Variants in RIMS1 observed in about 807,000 individuals in gnomAD.
RIMS1 encodes regulating synaptic membrane exocytosis 1.
In RIMS1, 83 loss-of-function variants were observed where a neutral mutation model predicts 214.1. The ratio of observed to expected loss-of-function variants is 0.39; its 90% CI spans 0.32 to 0.47. The LOEUF (loss-of-function observed/expected upper bound fraction) is 0.47, where lower values mean the gene tolerates loss of function less well. Ranked by LOEUF, RIMS1 falls within the 20% of genes least tolerant of loss-of-function variation. The pLI is 0.99. For missense variants in RIMS1, 2,050 were observed against 2,161.8 expected (o/e 0.95, Z 1.03); for synonymous variants, 793 against 786.8 (o/e 1.01, Z -0.13).
At chr6:72,105,921 G>A (rs185776961) in intron 4 of RIMS1, among the ~76,000 whole-genome samples, 27 of 152,080 alleles carry the variant, frequency 1.8e-4, no homozygotes, top group African/African-American at 5.8e-4. Context: ...ATTAAAGCAG[G>A]TTTGAAGATA....
intron 2 of RIMS1, among the ~76,000 whole-genome samples, chr6:71,995,320 C>T (rs143409009): frequency 1.1e-3 from 164 of 152,298 alleles, no homozygotes; most frequent in African/African-American, 3.4e-3. Context: ...ATTTCTGCCT[C>T]AGACTATATT....
chr6:72,305,368 CATTTT>C (rs2095052256), intron 26 of RIMS1, among the ~76,000 whole-genome samples: 1 of 152,048 alleles, frequency 6.6e-6, no homozygotes. Flanking sequence ...AAGTTAATAT[CATTTT>C]ATGAGAATAG....
intron 28 of RIMS1, chr6:72,316,936 G>T: frequency 1.5e-6 from 1 of 681,152 alleles, no homozygotes; most frequent in Non-Finnish European, 2.7e-6. Context: ...TCCTGCAGTA[G>T]AGTGGAGAGA....
At chr6:72,316,144 A>C (rs1399878214) in intron 28 of RIMS1, among the ~76,000 whole-genome samples, 1 of 152,166 alleles carries the variant, frequency 6.6e-6, no homozygotes, top group African/African-American at 2.4e-5. Context: ...CACCATGACC[A>C]TGTAGGGTCC....
intron 6 of RIMS1, among the ~76,000 whole-genome samples, chr6:72,218,404 C>G (rs1326317005): frequency 6.6e-6 from 1 of 152,132 alleles, no homozygotes; most frequent in East Asian, 1.9e-4. Context: ...AAATGTTTTT[C>G]AAGAGGTCTA....
chr6:72,293,618 G>T (rs925944965), intron 26 of RIMS1, among the ~76,000 whole-genome samples: 1 of 151,770 alleles, frequency 6.6e-6, no homozygotes, highest in Non-Finnish European at 1.5e-5. Flanking sequence ...TCCTTCAGTT[G>T]CAAATAAAAC....
intron 29 of RIMS1, among the ~76,000 whole-genome samples, chr6:72,384,425 A>T (rs2098549870): frequency 6.6e-6 from 1 of 152,192 alleles, no homozygotes; most frequent in Non-Finnish European, 1.5e-5. Context: ...ATCTCCATGA[A>T]GCCAAGCACT....
At chr6:72,006,516 G>A (rs141575316) in intron 2 of RIMS1, among the ~76,000 whole-genome samples, 89 of 152,290 alleles carry the variant, frequency 5.8e-4, no homozygotes, top group Admixed American at 9.2e-4. Context: ...AGTGTGATCC[G>A]AGGCAAGGCG....
chr6:71,916,387 A>C (rs145557298), intron 1 of RIMS1, among the ~76,000 whole-genome samples: 1 of 152,132 alleles, frequency 6.6e-6, no homozygotes, highest in Non-Finnish European at 1.5e-5. Context: ...GTATTTTCTC[A>C]CAGACTCCAT....
chr6:72,060,325 C>T (rs1051079981), intron 2 of RIMS1, among the ~76,000 whole-genome samples: 1 of 151,986 alleles, frequency 6.6e-6, no homozygotes, highest in African/African-American at 2.4e-5. Context: ...ATTTGCAGCC[C>T]CGATCTAAAC....
chr6:72,327,142 C>CA (rs970340812), intron 28 of RIMS1, among the ~76,000 whole-genome samples: 52 of 149,118 alleles, frequency 3.5e-4, no homozygotes, highest in Middle Eastern at 3.4e-3. Flanking sequence ...TTTAAGCCAC[C>CA]AAAAAAAAAT....
rs182839540 is a variant in RIMS1 at position 71,917,619 on chromosome 6, G to A, written c.164+30432G>A. Among the ~76,000 whole-genome samples the A allele has an allele frequency of 6.5e-4, 99 of 152,206 alleles. 1 individual carries two copies. Among genetic ancestry groups the A allele is most frequent in the Middle Eastern group, 6.8e-3 (2 of 294 alleles). The stretch of plus-strand genomic sequence containing the variant: ...CAAGGAATTATAAATTCTAAATAAC[G>A]AAAAGCCAGCAGAGGCTGAATCAGG... On this transcript the variant is annotated intron_variant, in intron 1 of 33. Transcript: ENST00000521978.
Position 72,182,962 on chromosome 6 carries a change from G to T in RIMS1, c.1491G>T (p.Arg497=). ...GCGAGAAGGTGGAGACCATGCTGCG[G>T]AACGACTCTTTGAGCTCAGACCAGT... The part of the protein sequence containing the change: ...AKREKVETML[R]NDSLSSDQSE... Residue 497 remains arginine (R), a synonymous_variant, in exon 6 of 34, where the codon CGG becomes CGT. Coordinates refer to ENST00000521978, the MANE Select transcript of RIMS1 (RefSeq NM_014989.7). The T allele has an allele frequency of 6.3e-7, 1 of 1,593,562 alleles. No homozygotes were observed. Among genetic ancestry groups the T allele is most frequent in the Non-Finnish European group, 8.5e-7 (1 of 1,171,196 alleles).
intron 29 of RIMS1, among the ~76,000 whole-genome samples, chr6:72,341,991 T>C (rs912918585): frequency 1.3e-5 from 2 of 151,876 alleles, no homozygotes; most frequent in Non-Finnish European, 2.9e-5. Context: ...TGATGTGCTA[T>C]GAATGTGTTA....
intron 6 of RIMS1, among the ~76,000 whole-genome samples, chr6:72,219,617 A>G (rs2057672225): frequency 6.6e-6 from 1 of 151,958 alleles, no homozygotes; most frequent in African/African-American, 2.4e-5. Flanking sequence ...TAACAAATGT[A>G]TTTCAATACT....
intron 1 of RIMS1, among the ~76,000 whole-genome samples, chr6:71,967,987 A>G (rs1363903605): frequency 6.6e-6 from 1 of 152,174 alleles, no homozygotes; most frequent in African/African-American, 2.4e-5. Flanking sequence ...CTGGCCTTAA[A>G]TATGAGCAGG....
At chr6:72,175,679 CAA>C (rs11398431) in intron 4 of RIMS1, among the ~76,000 whole-genome samples, 1 of 145,440 alleles carries the variant, frequency 6.9e-6, no homozygotes, top group Admixed American at 6.8e-5. Context: ...ATTCCCCCAC[CAA>C]AAAAAAAAAG....
chr6:71,901,657 T>C (rs1213550227), intron 1 of RIMS1, among the ~76,000 whole-genome samples: 2 of 152,098 alleles, frequency 1.3e-5, no homozygotes, highest in South Asian at 2.1e-4. Flanking sequence ...GAGGTGACTT[T>C]CTGGAGGGTT....
Position 72,230,857 on chromosome 6 carries a change from G to C in RIMS1, c.1679-2916G>C, listed in dbSNP as rs533884523. On this transcript the variant is annotated intron_variant, in intron 6 of 33. Transcript: ENST00000521978. ...AAATTATAACACTTCATTGAACTTG[G>C]CTAGTTATGAACTTGAGACATTTCC... 9.2e-5 allele frequency among the ~76,000 whole-genome samples: 14 copies of C among 151,494 alleles called. No homozygotes were observed. The South Asian group carries it at 2.7e-3, about 29-fold the overall frequency.
Sources: allele counts gnomAD v4.1 joint callset (sites outside exome capture counted in the v4.1 genomes callset), GRCh38; gene constraint gnomAD v4.1.1; transcripts MANE v1.5; gene names NCBI Gene and HGNC (gene_info 2026-07-23, HGNC 2026-07-21).